Variants in GPR132 observed in about 807,000 individuals in gnomAD.
The protein encoded by GPR132 is G protein-coupled receptor 132.
GPR132 carries 4 observed loss-of-function variants against 1.9 expected under a neutral mutation model. The ratio of observed to expected loss-of-function variants is 2.13; its 90% CI spans 1.05 to 4.87. The LOEUF is 4.87. GPR132 is among the 30% of genes most tolerant of loss of function. The pLI is 0.01. For missense variants in GPR132, 404 were observed against 512.5 expected (o/e 0.79, Z 2.04); for synonymous variants, 233 against 234.2 (o/e 0.99, Z 0.05).
chr14:105,051,073 T>A lies in GPR132; in HGVS notation c.1064A>T (p.Asp355Val). The A allele has an allele frequency of 6.2e-7, 1 of 1,614,144 alleles. No individual in the cohort carries two copies. The highest frequency in any genetic ancestry group is 1.1e-5 in the South Asian group (1 of 91,078). The change falls in exon 4 of 4, where the codon GAC (aspartate) becomes GTC (valine). Residue 355 changes from aspartate (D) to valine (V), a missense_variant. Transcript: ENST00000329797. The surrounding 1 kb of genome is among the most constrained non-coding windows in gnomAD (Gnocchi z 8.0). ...CACGGGCCTGGAGAAGGTGTAGTGG[T>A]CTGCAAGGGCCACGGGCGACTGCAG... Reference protein sequence around the residue: ...EELQSPVALADHYTFSRPVHP... With the variant: ...EELQSPVALAVHYTFSRPVHP...
At chr14:105,064,770 C>T (rs955690362) in intron 1 of GPR132, among the ~76,000 whole-genome samples, 5 of 152,208 alleles carry the variant, frequency 3.3e-5, no homozygotes, top group East Asian at 1.9e-4. Flanking sequence ...TACAGACCCA[C>T]GTCATGCACT....
In GPR132 at chr14:105,050,571, C is replaced by T. The variant is rs1199668864; in HGVS notation, c.*423G>A. The stretch of plus-strand genomic sequence containing the variant: ...CTCACTGACATTCTGAGGCAGGAGC[C>T]CAGAGGGCCCACAATGCACCACCGC... On this transcript the variant is annotated 3_prime_UTR_variant, in exon 4 of 4. Transcript: ENST00000329797. The surrounding 1 kb of genome is among the most constrained non-coding windows in gnomAD (Gnocchi z 4.0). 3 of 204,440 alleles carry T rather than the reference C, an allele frequency of 1.5e-5. No homozygotes were observed. The highest frequency in any genetic ancestry group is 3.0e-5 in the Non-Finnish European group (3 of 99,036). The allele number at this position is 204,440 out of a possible 1,614,324, so 12.7% of individuals were successfully genotyped here. A position where few individuals can be genotyped will look rare whatever the true frequency, so the allele number is the denominator to read the frequency against.
chr14:105,052,152 G>A (rs761696092), intron 3 of GPR132, 50 bp from the exon 4 acceptor site: 1 of 1,448,368 alleles, frequency 6.9e-7, no homozygotes, highest in Non-Finnish European at 9.3e-7. Context: ...AAACCACCTG[G>A]GAGAGACTCT....
Position 105,055,311 on chromosome 14 carries a change from AGT to A in GPR132, c.34+74_34+75del. Reference sequence around the variant, plus strand: ...CACTGCACTCCAGCCTGGGCGATAGAGTGAGACTCAATCGCAAGAAAAAAAAA... The same window carrying A: ...CACTGCACTCCAGCCTGGGCGATAGAGAGACTCAATCGCAAGAAAAAAAAA... On this transcript the variant is annotated intron_variant, in intron 3 of 3. Coordinates refer to ENST00000329797, the MANE Select transcript of GPR132 (RefSeq NM_013345.4). The surrounding 1 kb of genome is among the most constrained non-coding windows in gnomAD (Gnocchi z 4.7). 1 of 779,720 alleles carries A rather than the reference AGT, an allele frequency of 1.3e-6. No individual in the cohort carries two copies. Among genetic ancestry groups the A allele is most frequent in the South Asian group, 1.3e-5 (1 of 74,596 alleles). The allele number at this position is 779,720 out of a possible 1,614,324, so 48.3% of individuals were successfully genotyped here.
chr14:105,058,525 A>G (rs765086552), intron 1 of GPR132, among the ~76,000 whole-genome samples: 5 of 152,278 alleles, frequency 3.3e-5, no homozygotes, highest in Non-Finnish European at 7.3e-5. Context: ...AGAGTAGGCA[A>G]TGGGTGCCCG....
intron 1 of GPR132, chr14:105,058,088 C>T (rs1345695130): frequency 6.6e-6 from 1 of 152,176 alleles, no homozygotes; most frequent in African/African-American, 2.4e-5. Context: ...CTCCTAAAGG[C>T]CAGGTGTGGT....
chr14:105,061,038 A>T (rs931610907), intron 1 of GPR132, among the ~76,000 whole-genome samples: 1 of 152,232 alleles, frequency 6.6e-6, no homozygotes, highest in Non-Finnish European at 1.5e-5. Context: ...TGACGTCCAG[A>T]TCCCGCCACG....
chr14:105,059,295 C>T lies in GPR132; in HGVS notation c.-860-2015G>A, dbSNP rs538398872. 1.8e-3 allele frequency among the ~76,000 whole-genome samples: 269 copies of T among 152,338 alleles called. 1 individual carries two copies. Among genetic ancestry groups the T allele is most frequent in the African/African-American group, 6.2e-3 (259 of 41,580 alleles). On this transcript the variant is annotated intron_variant, in intron 1 of 3. Coordinates refer to ENST00000329797, the MANE Select transcript of GPR132 (RefSeq NM_013345.4). This position sits in a 1 kb window ranked among gnomAD's most constrained non-coding sequence, Gnocchi z 4.2. ...TCTTGCAGGAATTCTCTGGAAGCTG[C>T]TCAAAAGTGAGGCAGAACCCAGGGA... is the stretch of plus-strand genomic sequence containing the variant.
rs1886666263 is a variant in GPR132 at position 105,052,115 on chromosome 14, G to C, written c.35-13C>G. On this transcript the variant is annotated splice_polypyrimidine_tract_variant and intron_variant, in intron 3 of 3. Transcript: ENST00000329797. ...GGGGTGGCGTTTCCTGTGGGACAGA[G>C]ACAAGAGTGAGGACGGGAGTCCCTG... 7.8e-6 allele frequency: 12 copies of C among 1,542,462 alleles called. No homozygotes were observed. Among genetic ancestry groups the C allele is most frequent in the Non-Finnish European group, 1.0e-5 (12 of 1,147,148 alleles).
At chr14:105,058,458 C>A (rs763536092) in intron 1 of GPR132, among the ~76,000 whole-genome samples, 1 of 152,202 alleles carries the variant, frequency 6.6e-6, no homozygotes, top group Non-Finnish European at 1.5e-5. Flanking sequence ...CTTTTAAAAT[C>A]TTTTTTTGGC....
chr14:105,051,050 C>A lies in GPR132; in HGVS notation c.1087G>T (p.Val363Leu), dbSNP rs756464260. The A allele has an allele frequency of 1.2e-6, 2 of 1,614,104 alleles. No homozygotes were observed. Among genetic ancestry groups the A allele is most frequent in the Non-Finnish European group, 1.7e-6 (2 of 1,179,990 alleles). Residue 363 changes from valine to leucine, a missense_variant, in exon 4 of 4, where the codon GTG becomes TTG. Physicochemically the swap from Val to Leu is conservative, Grantham distance 32. Coordinates refer to ENST00000329797, the MANE Select transcript of GPR132 (RefSeq NM_013345.4). The surrounding 1 kb of genome is among the most constrained non-coding windows in gnomAD (Gnocchi z 8.0). ...LADHYTFSRPVHPPGSPCPAK... is the reference protein window; with the variant it reads ...LADHYTFSRPLHPPGSPCPAK... ...GGGCATGGTGACCCTGGTGGGTGCA[C>A]GGGCCTGGAGAAGGTGTAGTGGTCT...
intron 1 of GPR132, among the ~76,000 whole-genome samples, chr14:105,062,202 G>T (rs372987658): frequency 1.3e-5 from 2 of 152,314 alleles, no homozygotes; most frequent in African/African-American, 4.8e-5. Flanking sequence ...CTGAGCTCCA[G>T]CTGCATCTCC....
rs1886760674 is a variant in GPR132 at position 105,055,308 on chromosome 14, T to C, written c.34+79A>G. On this transcript the variant is annotated intron_variant, in intron 3 of 3. Coordinates refer to ENST00000329797, the MANE Select transcript of GPR132 (RefSeq NM_013345.4). The surrounding 1 kb of genome is among the most constrained non-coding windows in gnomAD (Gnocchi z 4.7). Reference sequence around the variant, plus strand: ...TGCCACTGCACTCCAGCCTGGGCGATAGAGTGAGACTCAATCGCAAGAAAA... The same window carrying C: ...TGCCACTGCACTCCAGCCTGGGCGACAGAGTGAGACTCAATCGCAAGAAAA... The C allele has an allele frequency of 2.6e-6, 2 of 778,292 alleles. No homozygotes were observed. The highest frequency in any genetic ancestry group is 2.4e-6 in the Non-Finnish European group (1 of 416,122). The allele number at this position is 778,292 out of a possible 1,614,324, so 48.2% of individuals were successfully genotyped here.
chr14:105,064,859 C>T (rs965185850), intron 1 of GPR132, among the ~76,000 whole-genome samples: 4 of 152,180 alleles, frequency 2.6e-5, no homozygotes, highest in African/African-American at 4.8e-5. Context: ...ACCTGCCCAG[C>T]TCCAGGATCT....
In GPR132 at chr14:105,051,013, A is replaced by C; in HGVS notation, c.1124T>G (p.Leu375Arg). The change falls in exon 4 of 4, where the codon CTG becomes CGG. Residue 375 changes from leucine to arginine, a missense_variant. Physicochemically the swap from Leu to Arg is moderately radical, Grantham distance 102 (BLOSUM62 -2). Coordinates refer to ENST00000329797, the MANE Select transcript of GPR132 (RefSeq NM_013345.4). This position sits in a 1 kb window ranked among gnomAD's most constrained non-coding sequence, Gnocchi z 8.0. ...PPGSPCPAKR[L>R]IEESC ...GTGGGCTCAGCAGGACTCCTCAATC[A>C]GCCTCTTTGCAGGGCATGGTGACCC... 1 of 1,612,624 alleles carries C rather than the reference A, an allele frequency of 6.2e-7. No individual in the cohort carries two copies. The highest frequency in any genetic ancestry group is 8.5e-7 in the Non-Finnish European group (1 of 1,178,830).
At position 105,056,584 on chromosome 14, in the gene GPR132, ATCGTCGCCCGTGCGGTC is replaced by A. The variant is rs1886801455; in HGVS notation, c.-746-435_-746-419del. Among the ~76,000 whole-genome samples the A allele has an allele frequency of 6.6e-6, 1 of 151,694 alleles. No homozygotes were observed. The highest frequency in any genetic ancestry group is 1.5e-5 in the Non-Finnish European group (1 of 67,886). ...TTCCTACGGCTCCCCCACCCCACAC[ATCGTCGCCCGTGCGGTC>A]TCAGTCAGGGCCTCGGTGCCCCTCA... On this transcript the variant is annotated intron_variant, in intron 2 of 3. Coordinates refer to ENST00000329797, the MANE Select transcript of GPR132 (RefSeq NM_013345.4). This position sits in a 1 kb window ranked among gnomAD's most constrained non-coding sequence, Gnocchi z 6.0.
In GPR132 at chr14:105,055,310, G is replaced by T; in HGVS notation, c.34+77C>A. ...CCACTGCACTCCAGCCTGGGCGATA[G>T]AGTGAGACTCAATCGCAAGAAAAAA... On this transcript the variant is annotated intron_variant, in intron 3 of 3. Transcript: ENST00000329797. This position sits in a 1 kb window ranked among gnomAD's most constrained non-coding sequence, Gnocchi z 4.7. The T allele has an allele frequency of 1.3e-6, 1 of 779,388 alleles. No individual in the cohort carries two copies. The highest frequency in any genetic ancestry group is 1.3e-5 in the South Asian group (1 of 74,556). The allele number at this position is 779,388 out of a possible 1,614,324, so 48.3% of individuals were successfully genotyped here.
chr14:105,051,522 G>A lies in GPR132; in HGVS notation c.615C>T (p.Thr205=), dbSNP rs201264152. The change falls in exon 4 of 4, where the codon ACC becomes ACT. Residue 205 remains threonine (T), a synonymous_variant. Transcript: ENST00000329797. This position sits in a 1 kb window ranked among gnomAD's most constrained non-coding sequence, Gnocchi z 8.0. ...TGGAGAGAGGGATGGCAAAGCCAAC[G>A]GTGAACCTGGCGTAGTAGTACCCGG... is the stretch of plus-strand genomic sequence containing the variant. ...RIAGYYYARF[T]VGFAIPLSII... 26 of 1,614,018 alleles carry A rather than the reference G, an allele frequency of 1.6e-5. No homozygotes were observed. Among genetic ancestry groups the A allele is most frequent in the African/African-American group, 1.6e-4 (12 of 75,056 alleles).
Position 105,058,198 on chromosome 14 carries a change from A to C in GPR132, c.-860-918T>G, listed in dbSNP as rs569020217. Among the ~76,000 whole-genome samples, 10 of 152,160 alleles carry C rather than the reference A, an allele frequency of 6.6e-5. No homozygotes were observed. The South Asian group carries it at 2.1e-3, about 32-fold the overall frequency. On this transcript the variant is annotated intron_variant, in intron 1 of 3. Transcript: ENST00000329797. ...AGCCTGGGCAATATAGTAACACCCC[A>C]CACCTACAAAAATATAAACAGGCAT...
Sources: allele counts gnomAD v4.1 joint callset (sites outside exome capture counted in the v4.1 genomes callset), GRCh38; gene constraint gnomAD v4.1.1; non-coding constraint Gnocchi (gnomAD v3.1); transcripts MANE v1.5; gene names NCBI Gene and HGNC (gene_info 2026-07-23, HGNC 2026-07-21).